The following MCTP2 variants were observed in gnomAD, a reference collection of about 807,000 sequenced individuals.
The protein encoded by MCTP2 is multiple C2 and transmembrane domain-containing protein 2.
A neutral mutation model predicts 111.6 loss-of-function variants in MCTP2; 132 were observed. The observed-to-expected ratio is 1.18, with a 90% CI of 1.03 to 1.37. The LOEUF is 1.37. Among genes scored for constraint, MCTP2 ranks in the 40% most tolerant of loss-of-function variants. MCTP2 has a pLI of 0.00. For synonymous variants in MCTP2, 395 were observed against 387.7 expected, an observed-to-expected ratio of 1.02 and a Z score of -0.22; for missense variants, 1,183 against 1,067.9, an observed-to-expected ratio of 1.11 and a Z score of -1.50.
chr15:94,371,706 C>T (rs935072236), intron 12 of MCTP2, among the ~76,000 whole-genome samples: 6 of 151,636 alleles, frequency 4.0e-5, no homozygotes, highest in Non-Finnish European at 7.4e-5. Flanking sequence ...TTTTTTAACC[C>T]GCGATGGAGT....
intron 8 of MCTP2, among the ~76,000 whole-genome samples, chr15:94,348,766 T>C (rs1260699540): frequency 6.6e-6 from 1 of 151,818 alleles, no homozygotes; most frequent in African/African-American, 2.4e-5. Context: ...AGGAAGTGTG[T>C]TGTACCTGGA....
At position 94,430,577 on chromosome 15, in the gene MCTP2, CAAA is replaced by C. The variant is rs11289166; in HGVS notation, c.2086-9580_2086-9578del. Reference sequence around the variant, plus strand: ...TGAAACCCCTTCTCTACTAAAAATACAAAAAAAAAAAAAAAAAAAAATTAGCTG... The same window carrying C: ...TGAAACCCCTTCTCTACTAAAAATACAAAAAAAAAAAAAAAAAATTAGCTG... On this transcript the variant is annotated intron_variant, in intron 17 of 22. Transcript: ENST00000357742. 2.7e-3 allele frequency among the ~76,000 whole-genome samples: 258 copies of C among 96,648 alleles called. 1 individual carries two copies. The highest frequency in any genetic ancestry group is 9.3e-3 in the African/African-American group (223 of 24,066). 63.4% of individuals were successfully genotyped at this position (96,648 alleles called of 152,430 possible). A position where few individuals can be genotyped will look rare whatever the true frequency, so the allele number is the denominator to read the frequency against.
Position 94,243,273 on chromosome 15 carries a change from G to T in MCTP2, c.-66+11609G>T, listed in dbSNP as rs1036020303. On this transcript the variant is annotated intron_variant, in intron 1 of 22. Transcript: ENST00000357742. ...TGCGTATATACATACATACGTATGC[G>T]TACATACGTATGCGTATATGCATAT... Among the ~76,000 whole-genome samples, 33 of 148,194 alleles carry T rather than the reference G, an allele frequency of 2.2e-4. 1 individual carries two copies. Among genetic ancestry groups the T allele is most frequent in the African/African-American group, 7.2e-4 (29 of 40,242 alleles).
intron 4 of MCTP2, among the ~76,000 whole-genome samples, chr15:94,318,744 T>A (rs541521395): frequency 1.5e-4 from 23 of 152,308 alleles, no homozygotes; most frequent in African/African-American, 5.5e-4. Context: ...GAGTAGATGG[T>A]CAGTACACTG....
chr15:94,282,953 C>T (rs1290140793), intron 1 of MCTP2, among the ~76,000 whole-genome samples: 2 of 152,092 alleles, frequency 1.3e-5, no homozygotes, highest in Non-Finnish European at 2.9e-5. Context: ...AGCAGCAACA[C>T]TCTGATGGGG....
rs1158165374 is a variant in MCTP2, at chr15:94,482,561, T to C, written c.*3527T>C. The C allele has an allele frequency of 6.6e-6, 1 of 152,120 alleles. No homozygotes were observed. The highest frequency in any genetic ancestry group is 2.4e-5 in the African/African-American group (1 of 41,400). The allele number at this position is 152,120 out of a possible 1,614,324, so 9.4% of individuals were successfully genotyped here. On this transcript the variant is annotated 3_prime_UTR_variant, in exon 23 of 23. Transcript: ENST00000357742. The stretch of plus-strand genomic sequence containing the variant: ...ACAGGAGTCCAGTTTTAGCGCTGAA[T>C]CTCAGGTGACTGAAAAGCATCCAAA...
chr15:94,445,946 C>G (rs766822988), intron 19 of MCTP2, among the ~76,000 whole-genome samples: 1 of 152,210 alleles, frequency 6.6e-6, no homozygotes, highest in African/African-American at 2.4e-5. Flanking sequence ...CGTGCCGGGG[C>G]CTGTTGGCAC....
At position 94,367,719 on chromosome 15, in the gene MCTP2, G is replaced by A. The variant is rs1181205470; in HGVS notation, c.1416G>A (p.Gly472=). The A allele has an allele frequency of 6.2e-7, 1 of 1,609,230 alleles. No homozygotes were observed. The highest frequency in any genetic ancestry group is 1.3e-5 in the African/African-American group (1 of 74,394). Residue 472 remains glycine (G), a synonymous_variant, in exon 11 of 23, where the codon GGG becomes GGA. Transcript: ENST00000357742. Reference sequence around the variant, plus strand: ...TGGTCACACTTACACCCTGTGCGGGGGTCTCCGTCTCTGATCTGTGTGTCT... The same window carrying A: ...TGGTCACACTTACACCCTGTGCGGGAGTCTCCGTCTCTGATCTGTGTGTCT... The part of the protein sequence containing the change: ...LMLVTLTPCA[G]VSVSDLCVCP...
At chr15:94,276,938 T>C (rs1195459664) in intron 1 of MCTP2, among the ~76,000 whole-genome samples, 1 of 115,316 alleles carries the variant, frequency 8.7e-6, no homozygotes, top group African/African-American at 3.7e-5. Flanking sequence ...ACGTATTGAG[T>C]TGGAAGCCCA....
chr15:94,399,839 C>A, intron 15 of MCTP2, 82 bp from the exon 16 acceptor site: 2 of 1,237,596 alleles, frequency 1.6e-6, no homozygotes, highest in Non-Finnish European at 1.2e-6. Context: ...TTGGTCTGCA[C>A]GATTTTCCCA....
intron 14 of MCTP2, among the ~76,000 whole-genome samples, chr15:94,389,992 A>G (rs537621904): frequency 1.3e-4 from 19 of 150,018 alleles, no homozygotes; most frequent in Admixed American, 6.0e-4. Context: ...TGTGCTGACT[A>G]CTGACTCATT....
At chr15:94,246,071 G>T (rs551513318) in intron 1 of MCTP2, among the ~76,000 whole-genome samples, 99 of 152,196 alleles carry the variant, frequency 6.5e-4, no homozygotes, top group Non-Finnish European at 1.1e-3. Flanking sequence ...GGAGGGACTG[G>T]CAAAGGCTTG....
At chr15:94,371,581 C>A (rs1003281770) in intron 12 of MCTP2, among the ~76,000 whole-genome samples, 1 of 152,126 alleles carries the variant, frequency 6.6e-6, no homozygotes, top group African/African-American at 2.4e-5. Flanking sequence ...TAAAAAAATT[C>A]TTTCTGTAAG....
intron 1 of MCTP2, among the ~76,000 whole-genome samples, chr15:94,245,934 C>A (rs1204103930): frequency 2.0e-5 from 3 of 151,958 alleles, no homozygotes; most frequent in Non-Finnish European, 2.9e-5. Flanking sequence ...CCTGGAGTGT[C>A]AAGCTTCATC....
chr15:94,342,060 T>C (rs976922833), intron 7 of MCTP2: 6 of 152,098 alleles, frequency 3.9e-5, no homozygotes, highest in African/African-American at 1.4e-4. Flanking sequence ...TAGCATGCAA[T>C]GTAAATAGTT....
intron 1 of MCTP2, among the ~76,000 whole-genome samples, chr15:94,296,941 C>G (rs2075302428): frequency 6.6e-6 from 1 of 152,204 alleles, no homozygotes; most frequent in Admixed American, 6.5e-5. Context: ...AGGCAAATGG[C>G]TGCACACACC....
At chr15:94,437,605 T>A (rs896390115) in intron 17 of MCTP2, among the ~76,000 whole-genome samples, 13 of 152,144 alleles carry the variant, frequency 8.5e-5, no homozygotes, top group African/African-American at 2.9e-4. Flanking sequence ...TTAATTTTTC[T>A]GAGTTGTATA....
At chr15:94,443,012 A>G in intron 19 of MCTP2, 52 bp downstream of exon 19, 2 of 1,492,646 alleles carry the variant, frequency 1.3e-6, no homozygotes, top group Non-Finnish European at 1.9e-6. Context: ...TGTTGTCAAC[A>G]GATAGCATTC....
Position 94,404,957 on chromosome 15 carries a change from C to T in MCTP2, c.2085+2938C>T, listed in dbSNP as rs140072383. 6.1e-3 allele frequency among the ~76,000 whole-genome samples: 926 copies of T among 152,300 alleles called. 9 individuals carry two copies. The highest frequency in any genetic ancestry group is 0.021 in the African/African-American group (888 of 41,568). ...CAGAATGCTGCTTGGTGTCTTTATT[C>T]GTCATTGTGACACTTTGTTCATGTT... On this transcript the variant is annotated intron_variant, in intron 17 of 22. Coordinates refer to ENST00000357742, the MANE Select transcript of MCTP2 (RefSeq NM_001385001.1).
Sources: gnomAD v4.1 joint callset for allele counts (sites outside exome capture counted in the v4.1 genomes callset) on GRCh38, gnomAD v4.1.1 for gene constraint, MANE v1.5 for transcripts, NCBI Gene and HGNC (gene_info 2026-07-23, HGNC 2026-07-21) for gene names.